The following GPC5 variants were observed in gnomAD, a reference collection of about 807,000 sequenced individuals.
GPC5 encodes glypican-5.
Under a neutral mutation model 53.9 loss-of-function variants are expected in GPC5, and 47 were observed. The observed-to-expected ratio is 0.87, with a 90% CI of 0.69 to 1.11. The LOEUF (loss-of-function observed/expected upper bound fraction) is 1.11, where lower values mean the gene tolerates loss of function less well. Among genes scored for constraint, GPC5 ranks in the 50% most tolerant of loss-of-function variants. The pLI, the probability that GPC5 is intolerant of heterozygous loss-of-function variation, is 0.00. For missense variants in GPC5, 748 were observed against 713.1 expected, an observed-to-expected ratio of 1.05 and a Z score of -0.56; for synonymous variants, 286 against 263.3, an observed-to-expected ratio of 1.09 and a Z score of -0.84.
chr13:91,469,677 T>C (rs1480820634), intron 2 of GPC5, among the ~76,000 whole-genome samples: 1 of 152,162 alleles, frequency 6.6e-6, no homozygotes, highest in Admixed American at 6.6e-5. Flanking sequence ...AAAAACATAC[T>C]CTCTTCTGAT....
chr13:91,896,117 A>T lies in GPC5; in HGVS notation c.1281-11820A>T, dbSNP rs1017894712. On this transcript the variant is annotated intron_variant, in intron 5 of 7. Transcript: ENST00000377067. ...ATCCCCCCATTTAAAATTTTTTCTA[A>T]TTTTTTTTTTTTTTTTTTTTGAGGC... Among the ~76,000 whole-genome samples, 13 of 128,008 alleles carry T rather than the reference A, an allele frequency of 1.0e-4. No individual in the cohort carries two copies. The East Asian group carries it at 2.6e-3, about 26-fold the overall frequency. The allele number at this position is 128,008 out of a possible 152,430, so 84.0% of individuals were successfully genotyped here.
At chr13:91,403,257 A>G (rs1187038499) in intron 1 of GPC5, among the ~76,000 whole-genome samples, 1 of 152,208 alleles carries the variant, frequency 6.6e-6, no homozygotes, top group East Asian at 1.9e-4. Flanking sequence ...TGGAAACAAG[A>G]TTGTAGTAAA....
chr13:92,497,480 A>G (rs190994771), intron 7 of GPC5, among the ~76,000 whole-genome samples: 20 of 152,312 alleles, frequency 1.3e-4, no homozygotes, highest in Admixed American at 1.3e-3. Context: ...TTTTCATACC[A>G]GTACCATGTT....
intron 5 of GPC5, among the ~76,000 whole-genome samples, chr13:91,783,928 T>A (rs1284281465): frequency 1.3e-5 from 2 of 152,212 alleles, no homozygotes; most frequent in African/African-American, 4.8e-5. Flanking sequence ...GAGAGACGGT[T>A]AGTATAAAGG....
chr13:92,084,816 C>T (rs1320450228), intron 6 of GPC5, among the ~76,000 whole-genome samples: 3 of 152,016 alleles, frequency 2.0e-5, no homozygotes, highest in Non-Finnish European at 4.4e-5. Context: ...TGGTGTGGTA[C>T]CTTGCATTTT....
At chr13:91,900,626 A>T (rs1276879349) in intron 5 of GPC5, among the ~76,000 whole-genome samples, 1 of 152,158 alleles carries the variant, frequency 6.6e-6, no homozygotes, top group Admixed American at 6.6e-5. Flanking sequence ...TAAAAAATTT[A>T]AAACCATAAA....
intron 7 of GPC5, among the ~76,000 whole-genome samples, chr13:92,413,437 G>A (rs1052650223): frequency 6.6e-6 from 1 of 152,184 alleles, no homozygotes; most frequent in African/African-American, 2.4e-5. Flanking sequence ...TAATGATTTA[G>A]ACTACATTTA....
intron 6 of GPC5, among the ~76,000 whole-genome samples, chr13:91,977,955 A>AGAAAGAAAGAAAGAAAG (rs1555301807): frequency 4.1e-4 from 58 of 142,982 alleles, no homozygotes; most frequent in African/African-American, 1.6e-3. Flanking sequence ...TCTAAAAGAA[A>AGAAAGAAAGAAAGAAAG]AAAGAAAGAA....
At position 91,492,918 on chromosome 13, in the gene GPC5, C is replaced by A. The variant is rs555790168; in HGVS notation, c.325+43996C>A. ...CAAAATGTTAGTTTAAGTATAGCAA[C>A]CTGCTATCGTCACCACCTCTTTCCC... is the stretch of plus-strand genomic sequence containing the variant. On this transcript the variant is annotated intron_variant, in intron 2 of 7. Transcript: ENST00000377067. Among the ~76,000 whole-genome samples the A allele has an allele frequency of 8.5e-5, 13 of 152,306 alleles. No homozygotes were observed. In the South Asian group the frequency reaches 2.7e-3, roughly 32 times the overall value.
chr13:91,467,974 T>C (rs1170664231), intron 2 of GPC5, among the ~76,000 whole-genome samples: 3 of 152,190 alleles, frequency 2.0e-5, no homozygotes, highest in Non-Finnish European at 4.4e-5. Context: ...AGAATATCGC[T>C]GGCTCACATC....
intron 7 of GPC5, among the ~76,000 whole-genome samples, chr13:92,709,912 C>T (rs944712395): frequency 2.6e-5 from 4 of 152,124 alleles, no homozygotes; most frequent in African/African-American, 9.7e-5. Flanking sequence ...TAAGTGGATG[C>T]CATAGCTTAA....
chr13:92,110,580 A>G (rs2041549205), intron 6 of GPC5, among the ~76,000 whole-genome samples: 1 of 152,162 alleles, frequency 6.6e-6, no homozygotes, highest in African/African-American at 2.4e-5. Context: ...TTTAAAGAGG[A>G]AAATTGGTAC....
chr13:92,012,779 A>G (rs1240879788), intron 6 of GPC5, among the ~76,000 whole-genome samples: 1 of 152,246 alleles, frequency 6.6e-6, no homozygotes, highest in Non-Finnish European at 1.5e-5. Flanking sequence ...ACTTTAAAAT[A>G]AGAATTAAGA....
chr13:92,171,984 C>T lies in GPC5; in HGVS notation c.1561+26995C>T, dbSNP rs1021312814. Among the ~76,000 whole-genome samples, 6 of 152,124 alleles carry T rather than the reference C, an allele frequency of 3.9e-5. No homozygotes were observed. In the East Asian group the frequency reaches 9.6e-4, roughly 24 times the overall value. On this transcript the variant is annotated intron_variant, in intron 7 of 7. Transcript: ENST00000377067. ...ACATGCTCCCAAAGCCTACCATTGC[C>T]GTAGAACCCATTAACCAGATTTTAA...
intron 5 of GPC5, among the ~76,000 whole-genome samples, chr13:91,789,236 C>A (rs1219389712): frequency 6.6e-6 from 1 of 151,690 alleles, no homozygotes; most frequent in Admixed American, 6.6e-5. Flanking sequence ...AAAAAGAAAT[C>A]TTACTTTTAA....
chr13:92,672,778 T>C (rs1326459820), intron 7 of GPC5, among the ~76,000 whole-genome samples: 2 of 151,928 alleles, frequency 1.3e-5, no homozygotes, highest in Admixed American at 1.3e-4. Flanking sequence ...CAAACTAACA[T>C]AGGAAGAGAA....
intron 6 of GPC5, among the ~76,000 whole-genome samples, chr13:91,990,113 A>C (rs757923547): frequency 6.6e-6 from 1 of 152,226 alleles, no homozygotes; most frequent in Non-Finnish European, 1.5e-5. Flanking sequence ...TGTAAATAAC[A>C]ATATATTGGT....
chr13:91,906,644 T>C (rs1594654973), intron 5 of GPC5, among the ~76,000 whole-genome samples: 1 of 152,146 alleles, frequency 6.6e-6, no homozygotes, highest in East Asian at 1.9e-4. Flanking sequence ...TTACACCTTC[T>C]TATAATCCTA....
At chr13:92,551,728 T>C (rs1274607542) in intron 7 of GPC5, among the ~76,000 whole-genome samples, 1 of 151,744 alleles carries the variant, frequency 6.6e-6, no homozygotes, top group Non-Finnish European at 1.5e-5. Context: ...GTAGGAGGTG[T>C]AAGAAGAAAT....
Sources: gnomAD v4.1 joint callset for allele counts (sites outside exome capture counted in the v4.1 genomes callset) on GRCh38, gnomAD v4.1.1 for gene constraint, MANE v1.5 for transcripts, NCBI Gene and HGNC (gene_info 2026-07-23, HGNC 2026-07-21) for gene names.